The following EPHX3 variants were observed in gnomAD, a reference collection of about 807,000 sequenced individuals.
The protein encoded by EPHX3 is abhydrolase domain containing 9.
Under a neutral mutation model 40.2 loss-of-function variants are expected in EPHX3, and 39 were observed. The ratio of observed to expected loss-of-function variants is 0.97; its 90% confidence interval spans 0.75 to 1.27. The LOEUF is 1.27. EPHX3 is among the 50% of genes most tolerant of loss of function. The pLI is 0.00. For synonymous variants in EPHX3, 213 were observed against 209.7 expected (o/e 1.02, Z -0.14); for missense variants, 442 against 474.0 (o/e 0.93, Z 0.63).
At chr19:15,233,530 T>C (rs1446484834), upstream of EPHX3, 1 of 152,182 alleles carries the variant, frequency 6.6e-6, no homozygotes, top group Non-Finnish European at 1.5e-5. Context: ...CGGCCACTGA[T>C]GTTCAAGCGA....
chr19:15,229,884 T>A (rs1324448757), intron 4 of EPHX3, among the ~76,000 whole-genome samples: 1 of 1,760 alleles, frequency 5.7e-4, no homozygotes, highest in Admixed American at 9.4e-3. Flanking sequence ...AGACTCTGTC[T>A]CAAAAAAAAA....
At chr19:15,232,483 G>A (rs1421035537), upstream of EPHX3, 4 of 1,278,422 alleles carry the variant, frequency 3.1e-6, no homozygotes, top group East Asian at 3.4e-5. Context: ...AGGTTGGAAA[G>A]GGGGGAAATA....
At chr19:15,235,973 T>A (rs138303923), upstream of EPHX3, 1 of 152,170 alleles carries the variant, frequency 6.6e-6, no homozygotes, top group Non-Finnish European at 1.5e-5. Flanking sequence ...TGGGATGAGA[T>A]GGAAGAAACC....
rs374856616 is a variant in EPHX3, at chr19:15,227,723, C to G, written c.857+48G>C. ...GCAGAAGGATGGTTGCCTCCCACCC[C>G]CCTGCCCCTGCAAATCTCCTGAGCT... On this transcript the variant is annotated intron_variant, in intron 6 of 6. Transcript: ENST00000221730. 2.5e-6 allele frequency: 4 copies of G among 1,609,996 alleles called. No homozygotes were observed. The African/African-American group carries it at 5.3e-5, about 22-fold the overall frequency.
upstream of EPHX3, chr19:15,236,058 CGAA>C (rs1327137095): frequency 1.3e-5 from 2 of 152,208 alleles, no homozygotes; most frequent in Admixed American, 6.5e-5. Flanking sequence ...GCATGGACAT[CGAA>C]GAAGTGGGGG....
chr19:15,233,625 T>A (rs1296205752), upstream of EPHX3, among the ~76,000 whole-genome samples: 2 of 152,164 alleles, frequency 1.3e-5, no homozygotes, highest in African/African-American at 4.8e-5. Flanking sequence ...CCCTGATTCC[T>A]AGGGGGCAGG....
At chr19:15,229,458 C>T (rs754374785) in intron 4 of EPHX3, among the ~76,000 whole-genome samples, 1 of 151,824 alleles carries the variant, frequency 6.6e-6, no homozygotes, top group Non-Finnish European at 1.5e-5. Flanking sequence ...AATAATTAGC[C>T]GGTCATGGTG....
intron 4 of EPHX3, among the ~76,000 whole-genome samples, chr19:15,229,217 T>C (rs1275082116): frequency 6.6e-6 from 1 of 151,838 alleles, no homozygotes; most frequent in Non-Finnish European, 1.5e-5. Context: ...CCGTCTCCAC[T>C]AAAAATACAA....
At position 15,227,864 on chromosome 19, in the gene EPHX3, C is replaced by A. The variant is rs781302409; in HGVS notation, c.764G>T (p.Cys255Phe). ...TLTHRKTGIP[C>F]LTPSELEAFL... ...GGCCTCGAGCTCGCTGGGGGTCAAG[C>A]ATGGGATGCCTGTCTTGCGGTGGGT... is the stretch of plus-strand genomic sequence containing the variant. Residue 255 changes from cysteine (C) to phenylalanine (F), a missense_variant, in exon 6 of 7, where the codon TGC (cysteine) becomes TTC (phenylalanine). Physicochemically the swap from Cys to Phe is radical, Grantham distance 205. Coordinates refer to ENST00000221730, the MANE Select transcript of EPHX3 (RefSeq NM_024794.3). 1.9e-6 allele frequency: 3 copies of A among 1,614,088 alleles called. No homozygotes were observed. The East Asian group carries it at 6.7e-5, about 36-fold the overall frequency.
At chr19:15,228,652 G>C (rs1038719163) in intron 4 of EPHX3, among the ~76,000 whole-genome samples, 3 of 150,794 alleles carry the variant, frequency 2.0e-5, no homozygotes, top group African/African-American at 7.3e-5. Context: ...CCGGTAGCTG[G>C]GACTACAGGC....
At position 15,231,350 on chromosome 19, in the gene EPHX3, C is replaced by T. The variant is rs748210176; in HGVS notation, c.376G>A (p.Val126Ile). 1.2e-6 allele frequency: 2 copies of T among 1,613,960 alleles called. No homozygotes were observed. Among genetic ancestry groups the T allele is most frequent in the Non-Finnish European group, 1.7e-6 (2 of 1,180,028 alleles). The part of the protein sequence containing the change: ...QLREFQSRFH[V>I]VAVDLRGYGP... ...TAGCCTCGCAAGTCCACAGCCACAA[C>T]ATGGAAGCGGCTCTGGAACTCCCGG... Residue 126 changes from valine to isoleucine, a missense_variant, in exon 3 of 7, where the codon GTT becomes ATT. Transcript: ENST00000221730.
In EPHX3 at chr19:15,231,407, G is replaced by A. The variant is rs766284448; in HGVS notation, c.330-11C>T. ...TAACGCCAGGAGAACCTGCCAGGCG[G>A]GCGAGGGAGGGAGGCTGAGTCAGGG... is the stretch of plus-strand genomic sequence containing the variant. On this transcript the variant is annotated splice_polypyrimidine_tract_variant and intron_variant, in intron 2 of 6. Transcript: ENST00000221730. 1 of 1,612,718 alleles carries A rather than the reference G, an allele frequency of 6.2e-7. No individual in the cohort carries two copies. The highest frequency in any genetic ancestry group is 1.1e-5 in the South Asian group (1 of 91,006).
Position 15,227,386 on chromosome 19 carries a change from G to A in EPHX3, c.*51C>T. 1 of 1,440,208 alleles carries A rather than the reference G, an allele frequency of 6.9e-7. No individual in the cohort carries two copies. Among genetic ancestry groups the A allele is most frequent in the Non-Finnish European group, 9.8e-7 (1 of 1,023,570 alleles). 89.2% of individuals were successfully genotyped at this position (1,440,208 alleles called of 1,614,324 possible). A position where few individuals can be genotyped will look rare whatever the true frequency, so the allele number is the denominator to read the frequency against. On this transcript the variant is annotated 3_prime_UTR_variant, in exon 7 of 7. Coordinates refer to ENST00000221730, the MANE Select transcript of EPHX3 (RefSeq NM_024794.3). Reference sequence around the variant, plus strand: ...TCCCAGGCACACACAGATAATGGGTGTGTGTTCCTTCCTGAGTATCCATGC... The same window carrying A: ...TCCCAGGCACACACAGATAATGGGTATGTGTTCCTTCCTGAGTATCCATGC...
At chr19:15,231,567 C>T (rs1359300403) in intron 2 of EPHX3, among the ~76,000 whole-genome samples, 171 bp from the exon 3 acceptor site, 1 of 152,222 alleles carries the variant, frequency 6.6e-6, no homozygotes, top group African/African-American at 2.4e-5. Context: ...CAGCTACACC[C>T]TGAATCCAGG....
Position 15,232,188 on chromosome 19 carries a change from C to G in EPHX3, c.24G>C (p.Ala8=), listed in dbSNP as rs1235431087. ...GCGACAGGCGCGACGGCGCCAGCAG[C>G]GCGGTCACCACCAGCTCCGGCATGT... The part of the protein sequence containing the change: MPELVVT[A]LLAPSRLSLK... Residue 8 remains alanine (A), a synonymous_variant, in exon 1 of 7, where the codon GCG becomes GCC. Transcript: ENST00000221730. 5 of 1,521,544 alleles carry G rather than the reference C, an allele frequency of 3.3e-6. No individual in the cohort carries two copies. In the East Asian group the frequency reaches 1.0e-4, roughly 31 times the overall value. The allele number at this position is 1,521,544 out of a possible 1,614,324, so 94.3% of individuals were successfully genotyped here.
Position 15,232,406 on chromosome 19 carries a change from G to C in EPHX3, c.-195C>G, listed in dbSNP as rs1287350733. 5 of 1,360,082 alleles carry C rather than the reference G, an allele frequency of 3.7e-6. No homozygotes were observed. The highest frequency in any genetic ancestry group is 4.7e-6 in the Non-Finnish European group (5 of 1,064,086). The allele number at this position is 1,360,082 out of a possible 1,614,324, so 84.3% of individuals were successfully genotyped here. Reference sequence around the variant, plus strand: ...GCCAGAGCGCACCACTCACCTGAGTGCCAGGTAAACACCTGGGCGCGACAG... The same window carrying C: ...GCCAGAGCGCACCACTCACCTGAGTCCCAGGTAAACACCTGGGCGCGACAG... On this transcript the variant is annotated 5_prime_UTR_variant, in exon 1 of 7. Transcript: ENST00000221730.
upstream of EPHX3, chr19:15,232,993 G>C (rs1020535089): frequency 6.6e-6 from 1 of 152,166 alleles, no homozygotes; most frequent in Admixed American, 6.6e-5. Flanking sequence ...ATGCAGAGTA[G>C]GTGCGGCCTA....
intron 2 of EPHX3, 43 bp from the exon 3 acceptor site, chr19:15,231,439 G>A: frequency 6.2e-7 from 1 of 1,601,366 alleles, no homozygotes; most frequent in Non-Finnish European, 8.5e-7. Flanking sequence ...AGGGCCCTCA[G>A]GTTGCACCTG....
At chr19:15,233,267 G>A (rs577599960), upstream of EPHX3, 3 of 152,666 alleles carry the variant, frequency 2.0e-5, no homozygotes, top group South Asian at 6.2e-4. Context: ...CCAGGTCTAG[G>A]ACTAGGAGGG....
Sources: gnomAD v4.1 joint callset for allele counts (sites outside exome capture counted in the v4.1 genomes callset) on GRCh38, gnomAD v4.1.1 for gene constraint, MANE v1.5 for transcripts, NCBI Gene and HGNC (gene_info 2026-07-23, HGNC 2026-07-21) for gene names.